The following CA10 variants were observed in gnomAD, a reference collection of about 807,000 sequenced individuals.
CA10 encodes the protein carbonic anhydrase 10 (inactive), also known as carbonic anhydrase-related protein 10.
Under a neutral mutation model 44.2 loss-of-function variants are expected in CA10, and 14 were observed. The observed-to-expected ratio is 0.32, with a 90% CI of 0.21 to 0.50. CA10 has a LOEUF of 0.50. Among genes scored for constraint, CA10 ranks in the 20% least tolerant of loss-of-function variants. The pLI, the probability that CA10 is intolerant of heterozygous loss-of-function variation, is 0.99. For missense variants in CA10, 350 were observed against 409.7 expected (o/e 0.85, Z 1.26); for synonymous variants, 159 against 141.6 (o/e 1.12, Z -0.87).
intron 3 of CA10, among the ~76,000 whole-genome samples, chr17:51,822,435 A>G (rs979767190): frequency 5.3e-5 from 8 of 151,980 alleles, no homozygotes; most frequent in Non-Finnish European, 1.0e-4. Context: ...AACAAAAACA[A>G]AAACAAAAAC....
At chr17:51,689,336 G>T (rs1246265887) in intron 4 of CA10, among the ~76,000 whole-genome samples, 5 of 152,188 alleles carry the variant, frequency 3.3e-5, no homozygotes, top group Non-Finnish European at 5.9e-5. Flanking sequence ...GCTCCTAGAG[G>T]TGGCATAGCA....
chr17:51,797,102 C>T (rs1906740176), intron 3 of CA10, among the ~76,000 whole-genome samples: 1 of 152,210 alleles, frequency 6.6e-6, no homozygotes, highest in Non-Finnish European at 1.5e-5. Context: ...CCAAGAGAGC[C>T]TTTGCACAGC....
At chr17:52,109,673 C>T (rs1988748688) in intron 1 of CA10, among the ~76,000 whole-genome samples, 1 of 152,158 alleles carries the variant, frequency 6.6e-6, no homozygotes, top group African/African-American at 2.4e-5. Context: ...CACATTCAAT[C>T]CCATGAGCAA....
In CA10 at chr17:52,042,227, T is replaced by C. The variant is rs189346143; in HGVS notation, c.136+30092A>G. The stretch of plus-strand genomic sequence containing the variant: ...ATTTCCATCAACGGTGTATAAGGGT[T>C]CACTTTTCTTCTCATCCTCACCAAC... On this transcript the variant is annotated intron_variant, in intron 2 of 8. Transcript: ENST00000451037. 2.6e-5 allele frequency among the ~76,000 whole-genome samples: 4 copies of C among 152,196 alleles called. No homozygotes were observed. The East Asian group carries it at 7.8e-4, about 30-fold the overall frequency.
At chr17:51,746,212 A>G (rs1428935884) in intron 4 of CA10, among the ~76,000 whole-genome samples, 2 of 152,208 alleles carry the variant, frequency 1.3e-5, no homozygotes, top group African/African-American at 4.8e-5. Flanking sequence ...TCTAGCACAC[A>G]CTGCCCTGAC....
intron 4 of CA10, among the ~76,000 whole-genome samples, chr17:51,687,659 G>A (rs1202360724): frequency 6.6e-6 from 1 of 152,108 alleles, no homozygotes; most frequent in Non-Finnish European, 1.5e-5. Flanking sequence ...CATCACTGTG[G>A]TTCTATCAAA....
intron 2 of CA10, among the ~76,000 whole-genome samples, chr17:52,038,760 C>G (rs1363479386): frequency 6.6e-6 from 1 of 152,128 alleles, no homozygotes; most frequent in Non-Finnish European, 1.5e-5. Flanking sequence ...GGACTCCTGA[C>G]TTCCTCCCTG....
intron 4 of CA10, among the ~76,000 whole-genome samples, chr17:51,717,635 G>GTATATATGTATATATACA (rs373803601): frequency 2.4e-5 from 1 of 41,638 alleles, no homozygotes; most frequent in Non-Finnish European, 4.7e-5. Context: ...GCACATATAT[G>GTATATATGTATATATACA]CATGTATATA....
intron 4 of CA10, among the ~76,000 whole-genome samples, chr17:51,719,397 G>A (rs1284549956): frequency 6.6e-6 from 1 of 152,106 alleles, no homozygotes; most frequent in African/African-American, 2.4e-5. Flanking sequence ...GAGTCATTGG[G>A]GAATTGAAGG....
intron 3 of CA10, among the ~76,000 whole-genome samples, chr17:51,886,185 C>A (rs1273887165): frequency 1.3e-5 from 2 of 152,178 alleles, no homozygotes; most frequent in African/African-American, 4.8e-5. Flanking sequence ...TCCCTTAGAG[C>A]TGTTTTTAGA....
chr17:52,152,539 C>A (rs1044600599), intron 1 of CA10, among the ~76,000 whole-genome samples: 11 of 152,094 alleles, frequency 7.2e-5, no homozygotes, highest in African/African-American at 2.7e-4. Context: ...AAACTTCTCC[C>A]TTCTATACAA....
intron 2 of CA10, among the ~76,000 whole-genome samples, chr17:52,022,003 C>G (rs1438407243): frequency 1.3e-5 from 2 of 152,036 alleles, no homozygotes; most frequent in Non-Finnish European, 2.9e-5. Flanking sequence ...CCAATCCTTA[C>G]TGAAACTATT....
At chr17:51,956,934 C>T (rs1983689709) in intron 2 of CA10, among the ~76,000 whole-genome samples, 1 of 152,106 alleles carries the variant, frequency 6.6e-6, no homozygotes, top group Admixed American at 6.6e-5. Flanking sequence ...GTAGGAGATG[C>T]TGTTCATGCT....
intron 4 of CA10, among the ~76,000 whole-genome samples, chr17:51,687,448 T>C (rs893159270): frequency 3.3e-5 from 5 of 152,230 alleles, no homozygotes; most frequent in Admixed American, 6.5e-5. Context: ...CAATGCCTAA[T>C]ATAGAGCCTG....
chr17:51,962,541 G>C (rs149915820), intron 2 of CA10, among the ~76,000 whole-genome samples: 1 of 152,126 alleles, frequency 6.6e-6, no homozygotes, highest in Admixed American at 6.5e-5. Flanking sequence ...ATATACCCAG[G>C]CATGTTGGCC....
intron 3 of CA10, among the ~76,000 whole-genome samples, chr17:51,790,336 G>C (rs1906469532): frequency 6.6e-6 from 1 of 152,160 alleles, no homozygotes; most frequent in African/African-American, 2.4e-5. Flanking sequence ...GCTCCTGCGT[G>C]AAACAGGATG....
intron 3 of CA10, among the ~76,000 whole-genome samples, chr17:51,843,327 C>T (rs1226069639): frequency 1.3e-5 from 2 of 152,204 alleles, no homozygotes; most frequent in African/African-American, 2.4e-5. Context: ...GTTGACAACT[C>T]TCTAATTACA....
chr17:51,737,432 T>G (rs1466710882), intron 4 of CA10, among the ~76,000 whole-genome samples: 2 of 152,144 alleles, frequency 1.3e-5, no homozygotes, highest in Admixed American at 1.3e-4. Flanking sequence ...ACCTTAGAAC[T>G]TAGTTATTGG....
intron 3 of CA10, among the ~76,000 whole-genome samples, chr17:51,910,818 C>T (rs942817286): frequency 6.6e-6 from 1 of 152,156 alleles, no homozygotes; most frequent in Admixed American, 6.5e-5. Flanking sequence ...AACAGCAATT[C>T]CCCCAAACTG....
Sources: gnomAD v4.1 joint callset for allele counts (sites outside exome capture counted in the v4.1 genomes callset) on GRCh38, gnomAD v4.1.1 for gene constraint, MANE v1.5 for transcripts, NCBI Gene and HGNC (gene_info 2026-07-23, HGNC 2026-07-21) for gene names.